Variants in KLF17 observed in about 807,000 individuals in gnomAD.
The protein encoded by KLF17 is KLF transcription factor 17, also known as Krueppel-like factor 17.
KLF17 carries 31 observed loss-of-function variants against 34.2 expected under a neutral mutation model. The observed-to-expected ratio is 0.91, with a 90% CI of 0.68 to 1.22. KLF17 has a LOEUF of 1.22. Among genes scored for constraint, KLF17 ranks in the 50% most tolerant of loss-of-function variants. The probability of loss-of-function intolerance (pLI) is 0.00; values close to 1 mark genes in which losing one functional copy is unlikely to be tolerated. For synonymous variants in KLF17, 179 were observed against 186.7 expected (o/e 0.96, Z 0.34); for missense variants, 478 against 505.2 (o/e 0.95, Z 0.52).
chr1:44,097,588 A>G, the KLF17 span, among the ~76,000 whole-genome samples: 1 of 146,308 alleles, frequency 6.8e-6, no homozygotes, highest in Admixed American at 7.0e-5. Flanking sequence ...CATAAAGTAT[A>G]ATAAAAAAAG....
chr1:44,116,648 C>T (rs538979964), upstream of KLF17, among the ~76,000 whole-genome samples: 18 of 152,320 alleles, frequency 1.2e-4, 2 homozygotes, highest in African/African-American at 4.3e-4. Context: ...TCACCAGTGA[C>T]CTCCGTCTTG....
chr1:44,065,286 TA>T, the KLF17 span, among the ~76,000 whole-genome samples: 360 of 133,014 alleles, frequency 2.7e-3, no homozygotes, highest in Middle Eastern at 4.2e-3. Flanking sequence ...AGACTCCATC[TA>T]AAAAAAAAAA....
chr1:44,098,475 TATTA>T, the KLF17 span, among the ~76,000 whole-genome samples: 27 of 132,902 alleles, frequency 2.0e-4, no homozygotes, highest in African/African-American at 5.4e-4. Flanking sequence ...TGATCTTTAT[TATTA>T]TTTTTTTTAA....
the KLF17 span, among the ~76,000 whole-genome samples, chr1:44,058,402 T>C: frequency 6.6e-6 from 1 of 152,076 alleles, no homozygotes; most frequent in South Asian, 2.1e-4. Context: ...GCGATTCTCC[T>C]GCCTCAGGCT....
chr1:44,071,818 G>A, the KLF17 span, among the ~76,000 whole-genome samples: 6 of 151,974 alleles, frequency 3.9e-5, no homozygotes, highest in Admixed American at 6.6e-5. Context: ...GACTTCCCAC[G>A]TTCTGGTTCC....
the KLF17 span, among the ~76,000 whole-genome samples, chr1:44,053,670 A>G: frequency 4.6e-5 from 7 of 152,246 alleles, no homozygotes; most frequent in African/African-American, 1.7e-4. Flanking sequence ...AGGAACAACC[A>G]CAAGATATGT....
At chr1:44,131,428 T>A (rs1043415500) in intron 3 of KLF17, among the ~76,000 whole-genome samples, 1 of 152,228 alleles carries the variant, frequency 6.6e-6, no homozygotes, top group African/African-American at 2.4e-5. Context: ...GCCAGACTAT[T>A]TTCAAATCCT....
the KLF17 span, chr1:44,106,487 A>C: frequency 0.1 from 15,321 of 152,226 alleles, 837 homozygotes; most frequent in African/African-American, 0.14. Flanking sequence ...TCCAGAGTGA[A>C]AATTGAGGCA....
chr1:44,092,847 C>T, the KLF17 span, among the ~76,000 whole-genome samples: 1 of 151,618 alleles, frequency 6.6e-6, no homozygotes, highest in Non-Finnish European at 1.5e-5. Flanking sequence ...TATACTTGTA[C>T]TTCAAAAATT....
the KLF17 span, among the ~76,000 whole-genome samples, chr1:44,060,474 A>C: frequency 6.6e-6 from 1 of 152,184 alleles, no homozygotes; most frequent in Non-Finnish European, 1.5e-5. Flanking sequence ...TCTCAAAAAA[A>C]GAATGAAACT....
chr1:44,112,698 G>A, the KLF17 span, among the ~76,000 whole-genome samples: 4 of 152,148 alleles, frequency 2.6e-5, no homozygotes, highest in East Asian at 1.9e-4. Context: ...GTGAGTCACC[G>A]CAATTGGCCT....
chr1:44,061,756 A>G, the KLF17 span, among the ~76,000 whole-genome samples: 14 of 152,132 alleles, frequency 9.2e-5, no homozygotes, highest in Admixed American at 2.0e-4. Context: ...CATCGCTACC[A>G]AAAATACAAA....
chr1:44,127,844 T>C (rs1276427304), intron 1 of KLF17, among the ~76,000 whole-genome samples: 1 of 151,154 alleles, frequency 6.6e-6, no homozygotes, highest in African/African-American at 2.4e-5. Context: ...TTTCCCTTGA[T>C]TTGTAGCAAC....
the KLF17 span, among the ~76,000 whole-genome samples, chr1:44,058,697 TTTTTTTTC>T: frequency 2.4e-5 from 2 of 81,940 alleles, no homozygotes; most frequent in Non-Finnish European, 4.5e-5. Context: ...TTTTTTTTTT[TTTTTTTTC>T]CCGAGACGGA....
chr1:44,050,082 A>T, the KLF17 span, among the ~76,000 whole-genome samples: 3 of 152,228 alleles, frequency 2.0e-5, no homozygotes, highest in Non-Finnish European at 4.4e-5. Context: ...TGGCATATGC[A>T]TATCTTCACC....
chr1:44,059,654 C>A, the KLF17 span, among the ~76,000 whole-genome samples: 1 of 152,242 alleles, frequency 6.6e-6, no homozygotes, highest in African/African-American at 2.4e-5. Context: ...CATCTGAATA[C>A]CACCCCCCAA....
chr1:44,055,566 T>C, the KLF17 span, among the ~76,000 whole-genome samples: 11 of 152,216 alleles, frequency 7.2e-5, no homozygotes, highest in Non-Finnish European at 1.5e-4. Context: ...TGGACACTTC[T>C]AGCTCTAAGT....
At chr1:44,086,642 T>C in the KLF17 span, among the ~76,000 whole-genome samples, 1 of 152,222 alleles carries the variant, frequency 6.6e-6, no homozygotes, top group Admixed American at 6.5e-5. Context: ...TGATGGTGAT[T>C]ATCCACTGGA....
the KLF17 span, among the ~76,000 whole-genome samples, chr1:44,090,609 T>C: frequency 1.3e-5 from 2 of 152,042 alleles, no homozygotes; most frequent in East Asian, 1.9e-4. Context: ...AAAGAGAAAG[T>C]CCGCCCTAAG....
Sources: gnomAD v4.1 joint callset for allele counts (sites outside exome capture counted in the v4.1 genomes callset) on GRCh38, gnomAD v4.1.1 for gene constraint, MANE v1.5 for transcripts, NCBI Gene and HGNC (gene_info 2026-07-23, HGNC 2026-07-21) for gene names.